PRELID2: variants seen among roughly 807,000 people sequenced by gnomAD.
PRELID2 encodes PRELI domain containing 2, also known as PRELI domain-containing protein 2.
A neutral mutation model predicts 28.4 loss-of-function variants in PRELID2; 25 were observed. The ratio of observed to expected loss-of-function variants is 0.88; its 90% confidence interval spans 0.64 to 1.23. The LOEUF (loss-of-function observed/expected upper bound fraction) is 1.23, where lower values mean the gene tolerates loss of function less well. Among genes scored for constraint, PRELID2 ranks in the 50% most tolerant of loss-of-function variants. PRELID2 has a pLI of 0.00. For synonymous variants in PRELID2, 76 were observed against 71.6 expected, an observed-to-expected ratio of 1.06 and a Z score of -0.31; for missense variants, 201 against 214.4, an observed-to-expected ratio of 0.94 and a Z score of 0.39.
At chr5:145,287,400 T>A in the PRELID2 span, among the ~76,000 whole-genome samples, 1 of 152,204 alleles carries the variant, frequency 6.6e-6, no homozygotes, top group African/African-American at 2.4e-5. Flanking sequence ...CGTCTTGTGA[T>A]CTGTTGATCT....
chr5:145,447,988 G>C, the PRELID2 span, among the ~76,000 whole-genome samples: 8 of 152,098 alleles, frequency 5.3e-5, no homozygotes, highest in Non-Finnish European at 1.2e-4. Context: ...TATATACCCA[G>C]TAATGGGATG....
chr5:145,821,231 ATGTG>A (rs1172743910), intron 2 of PRELID2, among the ~76,000 whole-genome samples: 4 of 34,280 alleles, frequency 1.2e-4, no homozygotes, highest in Admixed American at 9.0e-4. Context: ...GTGTGTGTGT[ATGTG>A]TGTGTAAGCC....
chr5:145,645,865 C>T (rs1754187999), intron 1 of PRELID2, among the ~76,000 whole-genome samples: 1 of 152,210 alleles, frequency 6.6e-6, no homozygotes, highest in South Asian at 2.1e-4. Flanking sequence ...TGGCCCCACT[C>T]TCTTCCAGCT....
chr5:145,767,051 CT>C (rs1441033917), intron 5 of PRELID2, among the ~76,000 whole-genome samples: 4 of 152,118 alleles, frequency 2.6e-5, no homozygotes, highest in African/African-American at 7.2e-5. Context: ...AAGCCTGGAC[CT>C]GTGGCCCAAA....
rs143485463 is a variant in PRELID2 at position 145,777,797 on chromosome 5, G to C, written c.475-12797C>G. On this transcript the variant is annotated intron_variant, in intron 5 of 6. Coordinates refer to ENST00000683046, the MANE Select transcript of PRELID2 (RefSeq NM_205846.3). The stretch of plus-strand genomic sequence containing the variant: ...CGCCCAAAGCACACTGCAAACCAAG[G>C]CTTCCCTACACTCTTGGGGGCCAGG... 8.8e-4 allele frequency among the ~76,000 whole-genome samples: 133 copies of C among 151,988 alleles called. 1 individual carries two copies. The highest frequency in any genetic ancestry group is 7.1e-3 in the South Asian group (34 of 4,812).
chr5:145,643,440 G>C (rs1011923481), intron 1 of PRELID2, among the ~76,000 whole-genome samples: 1 of 152,094 alleles, frequency 6.6e-6, no homozygotes, highest in African/African-American at 2.4e-5. Flanking sequence ...TCTAAATATA[G>C]AATCATGTCA....
the PRELID2 span, among the ~76,000 whole-genome samples, chr5:145,438,891 C>G: frequency 6.6e-6 from 1 of 152,134 alleles, no homozygotes; most frequent in African/African-American, 2.4e-5. Context: ...CTTCACTTGT[C>G]TGTTGCATGC....
chr5:145,766,683 G>C (rs901416651), intron 5 of PRELID2, among the ~76,000 whole-genome samples: 14 of 152,222 alleles, frequency 9.2e-5, no homozygotes, highest in Admixed American at 7.2e-4. Flanking sequence ...ACAGGACCAG[G>C]AGCACCACTG....
intron 1 of PRELID2, among the ~76,000 whole-genome samples, chr5:145,738,804 G>T (rs1429346177): frequency 6.6e-6 from 1 of 152,020 alleles, no homozygotes; most frequent in Admixed American, 6.6e-5. Flanking sequence ...CCCAAATTTG[G>T]CAAAACACAT....
chr5:145,819,444 T>C (rs758665676), intron 3 of PRELID2: 219 of 1,486,588 alleles, frequency 1.5e-4, no homozygotes, highest in Non-Finnish European at 1.9e-4. Context: ...TTTGCTATCA[T>C]GAAGATTTCA....
chr5:145,305,303 A>G, the PRELID2 span, among the ~76,000 whole-genome samples: 2 of 152,198 alleles, frequency 1.3e-5, no homozygotes, highest in Non-Finnish European at 2.9e-5. Flanking sequence ...TGTAGAACCC[A>G]ACAGGGATTC....
At chr5:145,606,592 A>G (rs747794858) in intron 1 of PRELID2, among the ~76,000 whole-genome samples, 1 of 151,996 alleles carries the variant, frequency 6.6e-6, no homozygotes, top group Non-Finnish European at 1.5e-5. Context: ...TTTTGAACTA[A>G]CCTTGCATGC....
At chr5:145,672,424 A>G (rs1754725621) in intron 1 of PRELID2, among the ~76,000 whole-genome samples, 1 of 150,926 alleles carries the variant, frequency 6.6e-6, no homozygotes, top group South Asian at 2.1e-4. Flanking sequence ...GATCCCAACA[A>G]GCCAAATCTA....
At chr5:145,255,419 A>G in the PRELID2 span, among the ~76,000 whole-genome samples, 1 of 152,134 alleles carries the variant, frequency 6.6e-6, no homozygotes, top group African/African-American at 2.4e-5. Context: ...AAGTGGAAAT[A>G]CTGAAAATAT....
chr5:145,820,481 C>T (rs1305427721), intron 2 of PRELID2, among the ~76,000 whole-genome samples: 1 of 152,154 alleles, frequency 6.6e-6, no homozygotes, highest in Non-Finnish European at 1.5e-5. Context: ...GACTCCTGCT[C>T]AACTCCAAAG....
At chr5:145,300,948 C>T in the PRELID2 span, among the ~76,000 whole-genome samples, 6 of 151,900 alleles carry the variant, frequency 3.9e-5, no homozygotes, top group African/African-American at 9.7e-5. Context: ...TAGCTTCTCA[C>T]GTCCCATCAA....
chr5:145,523,259 G>T (rs1048856660), intron 1 of PRELID2, among the ~76,000 whole-genome samples: 2 of 151,940 alleles, frequency 1.3e-5, no homozygotes, highest in African/African-American at 4.8e-5. Flanking sequence ...AGATGCAATC[G>T]GAGGAAAAAA....
intron 1 of PRELID2, among the ~76,000 whole-genome samples, chr5:145,665,663 T>C (rs1188680660): frequency 6.6e-6 from 1 of 152,122 alleles, no homozygotes. Flanking sequence ...CAGCCATTCC[T>C]CTTATCACTC....
chr5:145,521,520 G>A (rs545656909), intron 1 of PRELID2, among the ~76,000 whole-genome samples: 116 of 152,032 alleles, frequency 7.6e-4, no homozygotes, highest in Non-Finnish European at 1.0e-3. Flanking sequence ...TAAATGAGTC[G>A]TTTTTAAAAT....
Sources: allele counts gnomAD v4.1 joint callset (sites outside exome capture counted in the v4.1 genomes callset), GRCh38; gene constraint gnomAD v4.1.1; transcripts MANE v1.5; gene names NCBI Gene and HGNC (gene_info 2026-07-23, HGNC 2026-07-21).